The following SLC12A2 variants were observed in gnomAD, a reference collection of about 807,000 sequenced individuals.
SLC12A2 encodes the protein Na-K-2Cl cotransporter 1.
A neutral mutation model predicts 136.3 loss-of-function variants in SLC12A2; 67 were observed. The ratio of observed to expected loss-of-function variants is 0.49; its 90% CI spans 0.40 to 0.60. The LOEUF (loss-of-function observed/expected upper bound fraction) is 0.60, where lower values mean the gene tolerates loss of function less well. SLC12A2 is among the 20% of genes least tolerant of loss of function. The pLI is 0.00. For missense variants in SLC12A2, 1,322 were observed against 1,534.7 expected (o/e 0.86, Z 2.32); for synonymous variants, 619 against 562.9 (o/e 1.10, Z -1.41).
intron 18 of SLC12A2, 151 bp downstream of exon 18, chr5:128,168,018 T>A (rs1763254746): frequency 1.9e-6 from 1 of 531,272 alleles, no homozygotes; most frequent in Non-Finnish European, 3.3e-6. Context: ...GGGTTTTAAA[T>A]TGATAATCTA....
rs752351451 is a variant in SLC12A2, at chr5:128,174,605, T to C, written c.2868T>C (p.Tyr956=). 1.2e-6 allele frequency: 2 copies of C among 1,609,348 alleles called. No homozygotes were observed. The highest frequency in any genetic ancestry group is 2.2e-5 in the South Asian group (2 of 90,374). ...GTKDVVVSVE[Y]SKKSDLDTSK... ...AGGATGTGGTAGTAAGTGTGGAATA[T>C]AGTAAAAAGTCCGATTTAGATACTT... Residue 956 remains tyrosine, a synonymous_variant, in exon 20 of 27, where the codon TAT becomes TAC. Transcript: ENST00000262461.
At chr5:128,150,647 T>G (rs1762673056) in intron 13 of SLC12A2, among the ~76,000 whole-genome samples, 1 of 151,790 alleles carries the variant, frequency 6.6e-6, no homozygotes, top group Non-Finnish European at 1.5e-5. Context: ...TTAAAATAAT[T>G]TTGGCTTTGG....
chr5:128,090,000 T>C (rs1760251063), intron 1 of SLC12A2, among the ~76,000 whole-genome samples: 1 of 152,154 alleles, frequency 6.6e-6, no homozygotes. Context: ...AAGAAATATT[T>C]ACATGTGGCA....
intron 1 of SLC12A2, among the ~76,000 whole-genome samples, chr5:128,104,660 T>C (rs1760867655): frequency 7.8e-6 from 1 of 128,892 alleles, no homozygotes; most frequent in African/African-American, 3.5e-5. Flanking sequence ...TATATATATA[T>C]AGATATATAG....
chr5:128,118,942 CT>C (rs1384043183), intron 4 of SLC12A2, among the ~76,000 whole-genome samples: 7 of 152,010 alleles, frequency 4.6e-5, no homozygotes, highest in South Asian at 2.1e-4. Flanking sequence ...GCAAGGAACC[CT>C]TCTTATTCAA....
chr5:128,175,541 C>G (rs1763512396), intron 20 of SLC12A2, among the ~76,000 whole-genome samples: 1 of 151,524 alleles, frequency 6.6e-6, no homozygotes, highest in Non-Finnish European at 1.5e-5. Flanking sequence ...TTCAAACATT[C>G]TTTTTCTACA....
rs1291414268 is a variant in SLC12A2, at chr5:128,187,866, GT to G, written c.*1237del. The stretch of plus-strand genomic sequence containing the variant: ...AAAATTTTGACAGTGCATATGTACT[GT>G]TACTAAAAGCTTTATATGAAATTAT... On this transcript the variant is annotated 3_prime_UTR_variant, in exon 27 of 27. Transcript: ENST00000262461. 6.6e-6 allele frequency: 1 copy of G among 152,550 alleles called. No homozygotes were observed. Among genetic ancestry groups the G allele is most frequent in the African/African-American group, 2.4e-5 (1 of 41,414 alleles). The allele number at this position is 152,550 out of a possible 1,614,324, so 9.4% of individuals were successfully genotyped here.
chr5:128,184,232 T>C, intron 24 of SLC12A2, 134 bp from the exon 25 acceptor site: 1 of 533,958 alleles, frequency 1.9e-6, no homozygotes, highest in Non-Finnish European at 3.2e-6. Flanking sequence ...AACTGATTAT[T>C]ATGGTTGGGG....
intron 1 of SLC12A2, chr5:128,110,249 T>G: frequency 1.2e-6 from 1 of 809,114 alleles, no homozygotes; most frequent in Non-Finnish European, 2.2e-6. Context: ...CCATCCGACC[T>G]TTTCCTGGTG....
chr5:128,130,510 G>T (rs1761976644), intron 4 of SLC12A2, among the ~76,000 whole-genome samples: 1 of 90,914 alleles, frequency 1.1e-5, no homozygotes, highest in Non-Finnish European at 2.0e-5. Context: ...GCAAGACTCT[G>T]TCTCAAAAAA....
rs116325432 is a variant in SLC12A2, at chr5:128,108,001, G to A, written c.757-4813G>A. 5.5e-3 allele frequency among the ~76,000 whole-genome samples: 841 copies of A among 152,148 alleles called. 3 individuals carry two copies. Among genetic ancestry groups the A allele is most frequent in the Middle Eastern group, 0.024 (7 of 294 alleles). On this transcript the variant is annotated intron_variant, in intron 1 of 26. Coordinates refer to ENST00000262461, the MANE Select transcript of SLC12A2 (RefSeq NM_001046.3). ...ACTGGCATGAGATGGTATCTTAATT[G>A]TGGTTTTGATTTGCATTTCTCTAAT...
rs542205515 is a variant in SLC12A2 at position 128,102,882 on chromosome 5, A to G, written c.757-9932A>G. On this transcript the variant is annotated intron_variant, in intron 1 of 26. Coordinates refer to ENST00000262461, the MANE Select transcript of SLC12A2 (RefSeq NM_001046.3). ...AGCGATCCACTGGCCTTGGCCTCCC[A>G]AAGTGCTGTGATTACAGGCATGAGC... is the stretch of plus-strand genomic sequence containing the variant. 3.3e-5 allele frequency among the ~76,000 whole-genome samples: 5 copies of G among 151,904 alleles called. No individual in the cohort carries two copies. In the Middle Eastern group the frequency reaches 0.017, roughly 517 times the overall value.
chr5:128,090,313 G>A (rs1243998054), intron 1 of SLC12A2, among the ~76,000 whole-genome samples: 1 of 152,136 alleles, frequency 6.6e-6, no homozygotes, highest in Admixed American at 6.5e-5. Flanking sequence ...GTGTATTTAT[G>A]TTCATACATT....
intron 1 of SLC12A2, among the ~76,000 whole-genome samples, chr5:128,104,604 C>A (rs1280804302): frequency 1.3e-5 from 2 of 150,824 alleles, no homozygotes; most frequent in African/African-American, 4.9e-5. Context: ...TGCACTCTAG[C>A]CTGGGTGACA....
intron 9 of SLC12A2, among the ~76,000 whole-genome samples, chr5:128,140,831 T>C (rs769194271): frequency 6.6e-6 from 1 of 151,972 alleles, no homozygotes; most frequent in Non-Finnish European, 1.5e-5. Flanking sequence ...GGTACCTTTA[T>C]GGAAACATGG....
At chr5:128,154,739 A>G (rs545586142) in intron 15 of SLC12A2, among the ~76,000 whole-genome samples, 3 of 152,292 alleles carry the variant, frequency 2.0e-5, no homozygotes, top group Admixed American at 1.3e-4. Context: ...CATGTCTTCT[A>G]TCCACGAAGT....
rs1039658008 is a variant in SLC12A2, at chr5:128,148,868, A to G, written c.1996A>G (p.Ile666Val). ...AACATTCTTAATTGCACTTGGATTCATCTTAATTGGTTAGTTATATAAATG... is the reference window on the plus strand; with the variant it reads ...AACATTCTTAATTGCACTTGGATTCGTCTTAATTGGTTAGTTATATAAATG... ...ILTFLIALGFILIAELNVIAP... is the reference protein window; with the variant it reads ...ILTFLIALGFVLIAELNVIAP... The change falls in exon 12 of 27, where the codon ATC (isoleucine) becomes GTC (valine). Residue 666 changes from isoleucine (I) to valine (V), a missense_variant. Physicochemically the swap from Ile to Val is conservative, Grantham distance 29. Coordinates refer to ENST00000262461, the MANE Select transcript of SLC12A2 (RefSeq NM_001046.3). 1 of 1,597,030 alleles carries G rather than the reference A, an allele frequency of 6.3e-7. No homozygotes were observed. The highest frequency in any genetic ancestry group is 8.5e-7 in the Non-Finnish European group (1 of 1,173,622).
intron 22 of SLC12A2, among the ~76,000 whole-genome samples, chr5:128,179,005 C>A (rs951089563): frequency 1.3e-5 from 2 of 152,150 alleles, no homozygotes; most frequent in Admixed American, 1.3e-4. Flanking sequence ...AGGTTATCTA[C>A]CTTTGGCAGA....
chr5:128,154,735 T>G (rs2126726990), intron 15 of SLC12A2, among the ~76,000 whole-genome samples: 1 of 152,310 alleles, frequency 6.6e-6, no homozygotes, highest in South Asian at 2.1e-4. Context: ...TGTTCATGTC[T>G]TCTATCCACG....
Sources: allele counts gnomAD v4.1 joint callset (sites outside exome capture counted in the v4.1 genomes callset), GRCh38; gene constraint gnomAD v4.1.1; transcripts MANE v1.5; gene names NCBI Gene and HGNC (gene_info 2026-07-23, HGNC 2026-07-21).